The following CCDC60 variants were observed in gnomAD, a reference collection of about 807,000 sequenced individuals.
CCDC60 encodes coiled-coil domain-containing protein 60.
In CCDC60, 54 loss-of-function variants were observed where a neutral mutation model predicts 63.5. The ratio of observed to expected loss-of-function variants is 0.85; its 90% confidence interval spans 0.68 to 1.07. CCDC60 has a LOEUF of 1.07. Among genes scored for constraint, CCDC60 ranks in the 50% least tolerant of loss-of-function variants. CCDC60 has a pLI of 0.00. For synonymous variants in CCDC60, 206 were observed against 238.8 expected (o/e 0.86, Z 1.27); for missense variants, 651 against 684.3 (o/e 0.95, Z 0.54).
chr12:119,406,310 C>T (rs1166243767), intron 1 of CCDC60, among the ~76,000 whole-genome samples: 4 of 151,920 alleles, frequency 2.6e-5, no homozygotes, highest in Non-Finnish European at 5.9e-5. Flanking sequence ...GCTCCCCTTG[C>T]GTCTTTATTA....
At chr12:119,337,496 A>G (rs1955483793) in intron 1 of CCDC60, among the ~76,000 whole-genome samples, 1 of 152,228 alleles carries the variant, frequency 6.6e-6, no homozygotes, top group South Asian at 2.1e-4. Flanking sequence ...TGTGAGCATT[A>G]AATGAGTTAA....
chr12:119,343,175 T>G lies in CCDC60; in HGVS notation c.90+7909T>G, dbSNP rs118054247. On this transcript the variant is annotated intron_variant, in intron 1 of 13. Coordinates refer to ENST00000327554, the MANE Select transcript of CCDC60 (RefSeq NM_178499.5). ...CATGAGATGGTGGCATTTTCCCTTCTAAATTCCTGTTTTCAAACTCTGCTG... is the reference window on the plus strand; with the variant it reads ...CATGAGATGGTGGCATTTTCCCTTCGAAATTCCTGTTTTCAAACTCTGCTG... 1.5e-3 allele frequency among the ~76,000 whole-genome samples: 225 copies of G among 152,320 alleles called. 5 individuals carry two copies. The East Asian group carries it at 0.037, about 25-fold the overall frequency.
intron 1 of CCDC60, among the ~76,000 whole-genome samples, chr12:119,369,006 G>T (rs551910734): frequency 5.3e-5 from 8 of 152,150 alleles, no homozygotes; most frequent in Admixed American, 3.3e-4. Flanking sequence ...ATTCTCTTTG[G>T]TGACAGAGGA....
intron 1 of CCDC60, among the ~76,000 whole-genome samples, chr12:119,412,763 A>ACCCCCCCC (rs150785942): frequency 7.2e-4 from 63 of 88,072 alleles, no homozygotes; most frequent in East Asian, 1.7e-3. Context: ...AAAGCCCCCC[A>ACCCCCCCC]CCCCCCCCCA....
chr12:119,472,375 C>T (rs1951081740), intron 3 of CCDC60, among the ~76,000 whole-genome samples: 1 of 152,136 alleles, frequency 6.6e-6, no homozygotes, highest in Admixed American at 6.5e-5. Context: ...TCACTAACCA[C>T]CCAGCTTAAA....
intron 1 of CCDC60, among the ~76,000 whole-genome samples, chr12:119,419,404 T>C (rs904927515): frequency 1.3e-5 from 2 of 152,234 alleles, no homozygotes; most frequent in Non-Finnish European, 2.9e-5. Flanking sequence ...TGTAACCATG[T>C]AGGCGATGCT....
chr12:119,456,048 A>AAGC lies in CCDC60; in HGVS notation c.171-15945_171-15944insGCA, dbSNP rs1566019537. Among the ~76,000 whole-genome samples the AAGC allele has an allele frequency of 7.5e-5, 9 of 120,500 alleles. No homozygotes were observed. The highest frequency in any genetic ancestry group is 3.5e-4 in the East Asian group (1 of 2,842). 79.1% of individuals were successfully genotyped at this position (120,500 alleles called of 152,430 possible). A position where few individuals can be genotyped will look rare whatever the true frequency, so the allele number is the denominator to read the frequency against. On this transcript the variant is annotated intron_variant, in intron 2 of 13. Coordinates refer to ENST00000327554, the MANE Select transcript of CCDC60 (RefSeq NM_178499.5). The surrounding 1 kb of genome is among the most constrained non-coding windows in gnomAD (Gnocchi z 4.6). ...GAAAGAAAGAAAGAAAGAAAGAAAGAAAGAAAGAAAGAAAGCAAGCAAGCA... is the reference window on the plus strand; with the variant it reads ...GAAAGAAAGAAAGAAAGAAAGAAAGAAGCAAGAAAGAAAGAAAGCAAGCAAGCA...
intron 2 of CCDC60, among the ~76,000 whole-genome samples, chr12:119,462,066 C>T (rs1052221277): frequency 1.3e-5 from 2 of 152,188 alleles, no homozygotes; most frequent in Admixed American, 1.3e-4. Context: ...GAAGATCTGG[C>T]AGCTGGACAT....
In CCDC60 at chr12:119,528,602, T is replaced by C. The variant is rs1268343966; in HGVS notation, c.1230-13T>C. 6.2e-7 allele frequency: 1 copy of C among 1,609,234 alleles called. No individual in the cohort carries two copies. The highest frequency in any genetic ancestry group is 2.2e-5 in the East Asian group (1 of 44,758). ...ATCTCATTCTTCTCTCTCTTTCTCA[T>C]ACAACCTTGTAGGCGCCAAGAAGAG... On this transcript the variant is annotated splice_polypyrimidine_tract_variant and intron_variant, in intron 11 of 13. Transcript: ENST00000327554.
At chr12:119,419,770 C>T (rs569806894) in intron 1 of CCDC60, among the ~76,000 whole-genome samples, 5 of 152,172 alleles carry the variant, frequency 3.3e-5, no homozygotes, top group South Asian at 4.1e-4. Context: ...TGCTCGTCTC[C>T]CCAGATGACA....
intron 13 of CCDC60, among the ~76,000 whole-genome samples, chr12:119,538,792 C>A (rs1475567116): frequency 8.5e-5 from 13 of 152,166 alleles, no homozygotes. Context: ...GAATTTTCAG[C>A]CTTTTTGTGC....
intron 1 of CCDC60, among the ~76,000 whole-genome samples, chr12:119,398,813 A>G (rs142979759): frequency 6.6e-6 from 1 of 152,226 alleles, no homozygotes; most frequent in Non-Finnish European, 1.5e-5. Flanking sequence ...TTAGGCCTTC[A>G]AGAGCTAAGG....
At chr12:119,361,876 T>C (rs958280106) in intron 1 of CCDC60, among the ~76,000 whole-genome samples, 1 of 152,220 alleles carries the variant, frequency 6.6e-6, no homozygotes, top group Admixed American at 6.5e-5. Flanking sequence ...AGTCCGTACA[T>C]ATAGACATGG....
At chr12:119,442,990 A>G (rs915908616) in intron 2 of CCDC60, among the ~76,000 whole-genome samples, 4 of 152,256 alleles carry the variant, frequency 2.6e-5, no homozygotes, top group Admixed American at 2.6e-4. Context: ...TAAGCAGTTT[A>G]TGGAAAGCAA....
At position 119,428,667 on chromosome 12, in the gene CCDC60, C is replaced by T; in HGVS notation, c.91-16C>T. ...ATTAACACTCCTTTTATTTTAACCC[C>T]TTGTCTTCTCATCAGGTCCCAGACA... On this transcript the variant is annotated splice_polypyrimidine_tract_variant and intron_variant, in intron 1 of 13. Transcript: ENST00000327554. 1 of 1,550,262 alleles carries T rather than the reference C, an allele frequency of 6.5e-7. No homozygotes were observed. The highest frequency in any genetic ancestry group is 1.1e-5 in the South Asian group (1 of 86,972).
chr12:119,344,816 TTC>T (rs369578003), intron 1 of CCDC60, among the ~76,000 whole-genome samples: 18 of 110,138 alleles, frequency 1.6e-4, no homozygotes, highest in Non-Finnish European at 2.4e-4. Flanking sequence ...TCTTAGAACA[TTC>T]TCTCTCTCTC....
At chr12:119,437,144 G>T (rs779245302) in intron 2 of CCDC60, among the ~76,000 whole-genome samples, 2 of 152,194 alleles carry the variant, frequency 1.3e-5, no homozygotes, top group Non-Finnish European at 2.9e-5. Context: ...GTGTTTAATA[G>T]TGTTAATCAT....
intron 1 of CCDC60, among the ~76,000 whole-genome samples, chr12:119,378,123 A>G (rs1006634847): frequency 6.6e-6 from 1 of 152,254 alleles, no homozygotes; most frequent in Non-Finnish European, 1.5e-5. Context: ...ACGTTTGCAT[A>G]GTATGCAAAG....
chr12:119,412,862 C>A (rs11614625), intron 1 of CCDC60, among the ~76,000 whole-genome samples: 5 of 147,250 alleles, frequency 3.4e-5, no homozygotes, highest in African/African-American at 1.3e-4. Flanking sequence ...ATCACAGATA[C>A]TTCTTCTGAT....
Sources: allele counts gnomAD v4.1 joint callset (sites outside exome capture counted in the v4.1 genomes callset), GRCh38; gene constraint gnomAD v4.1.1; non-coding constraint Gnocchi (gnomAD v3.1); transcripts MANE v1.5; gene names NCBI Gene and HGNC (gene_info 2026-07-23, HGNC 2026-07-21).